RSRC1: variants seen among roughly 807,000 people sequenced by gnomAD.
The protein encoded by RSRC1 is serine/Arginine-related protein 53.
Under a neutral mutation model 49.1 loss-of-function variants are expected in RSRC1, and 39 were observed. That is an observed-to-expected ratio of 0.79 (90% confidence interval 0.61 to 1.04). The LOEUF is 1.04. Among genes scored for constraint, RSRC1 ranks in the 50% least tolerant of loss-of-function variants. The pLI is 0.00. For missense variants in RSRC1, 388 were observed against 402.4 expected, an observed-to-expected ratio of 0.96 and a Z score of 0.31; for synonymous variants, 143 against 130.8, an observed-to-expected ratio of 1.09 and a Z score of -0.63.
At chr3:158,278,542 A>G (rs1431712869) in intron 4 of RSRC1, among the ~76,000 whole-genome samples, 2 of 152,238 alleles carry the variant, frequency 1.3e-5, no homozygotes, top group East Asian at 3.8e-4. Context: ...ACTGAGCAGT[A>G]TCTCTGACAT....
At chr3:158,439,406 A>G (rs1252999206) in intron 6 of RSRC1, among the ~76,000 whole-genome samples, 1 of 152,186 alleles carries the variant, frequency 6.6e-6, no homozygotes, top group East Asian at 1.9e-4. Context: ...AAAGACTTGG[A>G]ACCAACCCAA....
intron 6 of RSRC1, among the ~76,000 whole-genome samples, chr3:158,415,840 A>G (rs183883210): frequency 2.0e-5 from 3 of 152,136 alleles, no homozygotes; most frequent in Admixed American, 6.6e-5. Flanking sequence ...ATTAATAGCA[A>G]TATTTCCCTT....
intron 7 of RSRC1, among the ~76,000 whole-genome samples, chr3:158,525,513 A>G (rs1711958351): frequency 6.6e-6 from 1 of 151,972 alleles, no homozygotes; most frequent in Admixed American, 6.6e-5. Context: ...AAAGTTAAAC[A>G]TATGTCTACC....
At chr3:158,532,691 A>G (rs1453584516) in intron 7 of RSRC1, among the ~76,000 whole-genome samples, 2 of 151,808 alleles carry the variant, frequency 1.3e-5, no homozygotes, top group Non-Finnish European at 2.9e-5. Context: ...TTATTTTACT[A>G]TGAAGTATAT....
At chr3:158,391,503 G>C (rs1733290904) in intron 6 of RSRC1, among the ~76,000 whole-genome samples, 1 of 152,152 alleles carries the variant, frequency 6.6e-6, no homozygotes, top group Non-Finnish European at 1.5e-5. Flanking sequence ...TATACCAAAT[G>C]TGTAAAAACA....
chr3:158,249,261 T>G (rs1051293838), intron 4 of RSRC1, among the ~76,000 whole-genome samples: 1 of 152,210 alleles, frequency 6.6e-6, no homozygotes, highest in Non-Finnish European at 1.5e-5. Context: ...ATCACTCCTT[T>G]GTAATCACCC....
At chr3:158,142,185 C>A (rs1452636855) in intron 3 of RSRC1, among the ~76,000 whole-genome samples, 3 of 152,084 alleles carry the variant, frequency 2.0e-5, no homozygotes, top group South Asian at 2.1e-4. Flanking sequence ...GTTTTATTAT[C>A]CATTAAATCT....
At chr3:158,421,086 A>G (rs1475863057) in intron 6 of RSRC1, among the ~76,000 whole-genome samples, 2 of 151,872 alleles carry the variant, frequency 1.3e-5, no homozygotes, top group East Asian at 3.9e-4. Context: ...TTTTCCCAAG[A>G]TGTTAGACTT....
intron 4 of RSRC1, among the ~76,000 whole-genome samples, chr3:158,210,235 G>T (rs1729998): frequency 1.3e-5 from 2 of 151,820 alleles, no homozygotes; most frequent in Admixed American, 6.6e-5. Context: ...GCAGGGCTGT[G>T]TGATAGCTGT....
At chr3:158,192,035 CCT>C (rs767101651) in intron 3 of RSRC1, among the ~76,000 whole-genome samples, 24 of 151,930 alleles carry the variant, frequency 1.6e-4, no homozygotes, top group Middle Eastern at 3.4e-3. Flanking sequence ...TAATTTTTTT[CCT>C]CTCTTTGTTT....
At position 158,518,129 on chromosome 3, in the gene RSRC1, T is replaced by C. The variant is rs974794430; in HGVS notation, c.653-18963T>C. Among the ~76,000 whole-genome samples, 268 of 71,842 alleles carry C rather than the reference T, an allele frequency of 3.7e-3. 14 individuals are homozygous for C. Among genetic ancestry groups the C allele is most frequent in the Middle Eastern group, 0.014 (2 of 146 alleles). The allele number at this position is 71,842 out of a possible 152,430, so 47.1% of individuals were successfully genotyped here. On this transcript the variant is annotated intron_variant, in intron 7 of 9. Transcript: ENST00000611884. Reference sequence around the variant, plus strand: ...GTGTGTGTGTGTGTGTGTGTGTGTATATATATATATATATATATATTTTTT... The same window carrying C: ...GTGTGTGTGTGTGTGTGTGTGTGTACATATATATATATATATATATTTTTT...
chr3:158,191,983 C>T lies in RSRC1; in HGVS notation c.321-11089C>T, dbSNP rs951136777. 1.3e-5 allele frequency among the ~76,000 whole-genome samples: 2 copies of T among 152,100 alleles called. 1 individual carries two copies. Among genetic ancestry groups the T allele is most frequent in the Admixed American group, 1.3e-4 (2 of 15,242 alleles). On this transcript the variant is annotated intron_variant, in intron 3 of 9. Coordinates refer to ENST00000611884, the MANE Select transcript of RSRC1 (RefSeq NM_001271838.2). ...AAGAAGTTAGCAGCTTAGTTTATTTCAATCTGTGCTTGGTTTCATGGTTGT... is the reference window on the plus strand; with the variant it reads ...AAGAAGTTAGCAGCTTAGTTTATTTTAATCTGTGCTTGGTTTCATGGTTGT...
intron 6 of RSRC1, among the ~76,000 whole-genome samples, chr3:158,406,457 T>G: frequency 6.6e-6 from 1 of 152,092 alleles, no homozygotes; most frequent in East Asian, 1.9e-4. Flanking sequence ...ATTCTTAAGG[T>G]AATTGGTACC....
intron 4 of RSRC1, among the ~76,000 whole-genome samples, chr3:158,215,672 T>A: frequency 6.6e-6 from 1 of 151,832 alleles, no homozygotes; most frequent in Non-Finnish European, 1.5e-5. Flanking sequence ...TTTTTAGTGG[T>A]TGCCCTAGGA....
In RSRC1 at chr3:158,276,121, A is replaced by G. The variant is rs1725794854; in HGVS notation, c.495-21918A>G. 3 of 922,966 alleles carry G rather than the reference A, an allele frequency of 3.3e-6. No homozygotes were observed. The African/African-American group carries it at 4.9e-5, about 15-fold the overall frequency. 57.2% of individuals were successfully genotyped at this position (922,966 alleles called of 1,614,324 possible). ...GTGGCGTCCAGCTCACTCCTCTGCA[A>G]CGGACTGAAGCTGTGAGCAAACTTT... On this transcript the variant is annotated intron_variant, in intron 4 of 9. Transcript: ENST00000611884.
intron 7 of RSRC1, among the ~76,000 whole-genome samples, chr3:158,503,617 G>C (rs1453872183): frequency 1.3e-5 from 2 of 152,144 alleles, no homozygotes; most frequent in African/African-American, 4.8e-5. Context: ...TGAGTACCTA[G>C]GAGGATTATA....
intron 6 of RSRC1, among the ~76,000 whole-genome samples, chr3:158,377,043 T>C (rs1217817234): frequency 1.3e-5 from 2 of 152,230 alleles, no homozygotes; most frequent in Non-Finnish European, 1.5e-5. Flanking sequence ...TCACTACCTG[T>C]TGGCTTTCTT....
chr3:158,200,655 T>C (rs1048364516), intron 3 of RSRC1, among the ~76,000 whole-genome samples: 1 of 152,144 alleles, frequency 6.6e-6, no homozygotes, highest in Non-Finnish European at 1.5e-5. Flanking sequence ...ACTTATTTTC[T>C]TCTTTTTTTA....
chr3:158,292,421 TA>T (rs1164616648), intron 4 of RSRC1, among the ~76,000 whole-genome samples: 4 of 152,240 alleles, frequency 2.6e-5, no homozygotes. Context: ...AGGGAATGAT[TA>T]AAAAAAGACC....
Sources: allele counts gnomAD v4.1 joint callset (sites outside exome capture counted in the v4.1 genomes callset), GRCh38; gene constraint gnomAD v4.1.1; transcripts MANE v1.5; gene names NCBI Gene and HGNC (gene_info 2026-07-23, HGNC 2026-07-21).